The following IL16 variants were observed in gnomAD, a reference collection of about 807,000 sequenced individuals.
IL16 encodes the protein interleukin 16, also known as pro-interleukin-16.
Under a neutral mutation model 110.1 loss-of-function variants are expected in IL16, and 67 were observed. The ratio of observed to expected loss-of-function variants is 0.61; its 90% CI spans 0.50 to 0.75. The LOEUF (loss-of-function observed/expected upper bound fraction) is 0.75. IL16 is among the 30% of genes least tolerant of loss of function. The pLI is 0.00. For missense variants in IL16, 1,545 were observed against 1,655.0 expected (o/e 0.93, Z 1.15); for synonymous variants, 689 against 662.9 (o/e 1.04, Z -0.61).
chr15:81,222,343 C>T (rs575409550), intron 1 of IL16, among the ~76,000 whole-genome samples: 27 of 148,192 alleles, frequency 1.8e-4, no homozygotes, highest in Non-Finnish European at 2.2e-4. Context: ...ATGCCAGCAA[C>T]GGCAAAGAGA....
chr15:81,253,216 A>T (rs1187000239), intron 2 of IL16, among the ~76,000 whole-genome samples: 1 of 152,102 alleles, frequency 6.6e-6, no homozygotes, highest in African/African-American at 2.4e-5. Context: ...CATTTCCTTG[A>T]TGGCTAATGA....
chr15:81,186,497 A>ATTGGG (rs1405702504), intron 1 of IL16, among the ~76,000 whole-genome samples: 1 of 152,202 alleles, frequency 6.6e-6, no homozygotes, highest in Admixed American at 6.5e-5. Context: ...TCCACTCGAC[A>ATTGGG]TTGGGTTGTG....
At chr15:81,193,263 T>TA (rs1895526375), upstream of IL16, among the ~76,000 whole-genome samples, 2 of 152,220 alleles carry the variant, frequency 1.3e-5, no homozygotes, top group Middle Eastern at 6.8e-3. Context: ...AACATTTTAT[T>TA]AGGGGGGGAA....
chr15:81,232,099 A>T (rs1240518845), intron 2 of IL16, among the ~76,000 whole-genome samples: 1 of 84,550 alleles, frequency 1.2e-5, no homozygotes, highest in Non-Finnish European at 2.5e-5. Context: ...TTAAAACTAG[A>T]CTTGGTTTTT....
intron 6 of IL16, among the ~76,000 whole-genome samples, chr15:81,276,488 G>A (rs1344891528): frequency 2.0e-5 from 3 of 152,202 alleles, no homozygotes; most frequent in African/African-American, 4.8e-5. Context: ...GTCCATGTGA[G>A]GCTCTGAGAA....
At chr15:81,229,289 G>A (rs1896894179) in intron 2 of IL16, among the ~76,000 whole-genome samples, 1 of 152,082 alleles carries the variant, frequency 6.6e-6, no homozygotes, top group Non-Finnish European at 1.5e-5. Context: ...GTGTGGGGAG[G>A]GGCGTCCTGG....
chr15:81,244,021 T>C (rs1387502211), intron 2 of IL16, among the ~76,000 whole-genome samples: 2 of 152,176 alleles, frequency 1.3e-5, no homozygotes, highest in African/African-American at 2.4e-5. Flanking sequence ...GCTTTTTTAG[T>C]TGTTGTTGTG....
chr15:81,250,333 C>A (rs535741908), intron 2 of IL16, among the ~76,000 whole-genome samples: 1 of 152,176 alleles, frequency 6.6e-6, no homozygotes, highest in East Asian at 1.9e-4. Flanking sequence ...CCACTCCTGG[C>A]TAATTTTATT....
rs888533429 is a variant in IL16, at chr15:81,312,542, C to G, written c.*3744C>G. 3 of 152,234 alleles carry G rather than the reference C, an allele frequency of 2.0e-5. No homozygotes were observed. Among genetic ancestry groups the G allele is most frequent in the Non-Finnish European group, 2.9e-5 (2 of 68,056 alleles). The allele number at this position is 152,234 out of a possible 1,614,324, so 9.4% of individuals were successfully genotyped here. ...TCAGAATCACTTCTGAGAACTCATCCCTAATGCTGCAGATTTGGGCTGGAA... is the reference window on the plus strand; with the variant it reads ...TCAGAATCACTTCTGAGAACTCATCGCTAATGCTGCAGATTTGGGCTGGAA... On this transcript the variant is annotated 3_prime_UTR_variant, in exon 19 of 19. Transcript: ENST00000683961.
intron 6 of IL16, among the ~76,000 whole-genome samples, chr15:81,274,058 C>T (rs1453818046): frequency 6.6e-6 from 1 of 152,170 alleles, no homozygotes; most frequent in Non-Finnish European, 1.5e-5. Context: ...GTACCCACTG[C>T]AGGCCAAGGA....
Position 81,306,121 on chromosome 15 carries a change from T to G in IL16, c.3634T>G (p.Ser1212Ala), listed in dbSNP as rs1469390651. Residue 1212 changes from serine to alanine, a missense_variant, in exon 17 of 19, where the codon TCT becomes GCT. Transcript: ENST00000683961. ...AMPDLNSSTD[S>A]AASASAASDV... Reference sequence around the variant, plus strand: ...GCCCGACCTCAACTCCTCCACTGACTCTGCAGCCTCAGCCTCTGCAGCCAG... The same window carrying G: ...GCCCGACCTCAACTCCTCCACTGACGCTGCAGCCTCAGCCTCTGCAGCCAG... The G allele has an allele frequency of 1.9e-6, 3 of 1,613,998 alleles. No individual in the cohort carries two copies. The African/African-American group carries it at 4.0e-5, about 22-fold the overall frequency.
chr15:81,256,394 C>T (rs1897947811), intron 2 of IL16, among the ~76,000 whole-genome samples: 1 of 144,670 alleles, frequency 6.9e-6, no homozygotes, highest in African/African-American at 2.7e-5. Flanking sequence ...AGTACAGTGG[C>T]AGGATCTTGG....
At chr15:81,276,698 A>C (rs1009661461) in intron 6 of IL16, among the ~76,000 whole-genome samples, 19 of 152,250 alleles carry the variant, frequency 1.2e-4, no homozygotes, top group African/African-American at 4.6e-4. Context: ...AGGTAATGCC[A>C]AGGTAAGAAA....
chr15:81,297,746 A>G (rs1044557784), intron 13 of IL16, among the ~76,000 whole-genome samples: 2 of 152,230 alleles, frequency 1.3e-5, no homozygotes, highest in African/African-American at 4.8e-5. Flanking sequence ...CAGCAAGCAC[A>G]CATTGAATGC....
chr15:81,252,495 A>G (rs558723046), intron 2 of IL16, among the ~76,000 whole-genome samples: 9 of 152,274 alleles, frequency 5.9e-5, no homozygotes, highest in African/African-American at 2.2e-4. Context: ...TAACTCACAT[A>G]CCACACAATT....
rs572817565 is a variant in IL16, at chr15:81,265,918, A to G, written c.564+117A>G. ...GTAGTTTTTTTGTCCGCAGAACTAC[A>G]GAGGAGAGGGTCTCGCTTAGTAGCT... is the stretch of plus-strand genomic sequence containing the variant. On this transcript the variant is annotated intron_variant, in intron 4 of 18. Coordinates refer to ENST00000683961, the MANE Select transcript of IL16 (RefSeq NM_172217.5). The G allele has an allele frequency of 6.5e-6, 6 of 918,032 alleles. No individual in the cohort carries two copies. The East Asian group carries it at 7.9e-5, about 12-fold the overall frequency. The allele number at this position is 918,032 out of a possible 1,614,324, so 56.9% of individuals were successfully genotyped here.
chr15:81,290,161 AGTG>A, intron 10 of IL16: 1 of 453,260 alleles, frequency 2.2e-6, no homozygotes, highest in Admixed American at 3.9e-5. Flanking sequence ...TAACCTATGA[AGTG>A]GTAACTTTGC....
chr15:81,289,878 G>GT, intron 10 of IL16: 1 of 445,878 alleles, frequency 2.2e-6, no homozygotes, highest in South Asian at 1.6e-5. Context: ...TTTGAAGTGG[G>GT]TTTTATTATT....
chr15:81,288,107 C>G (rs540076946), intron 10 of IL16, among the ~76,000 whole-genome samples: 25 of 152,246 alleles, frequency 1.6e-4, no homozygotes, highest in African/African-American at 6.0e-4. Flanking sequence ...TCCAGCTGCT[C>G]AGATAAGGGA....
Sources: gnomAD v4.1 joint callset for allele counts (sites outside exome capture counted in the v4.1 genomes callset) on GRCh38, gnomAD v4.1.1 for gene constraint, MANE v1.5 for transcripts, NCBI Gene and HGNC (gene_info 2026-07-23, HGNC 2026-07-21) for gene names.